DNAH17: variants seen among roughly 807,000 people sequenced by gnomAD.
DNAH17 encodes the protein dynein axonemal heavy chain 17.
Under a neutral mutation model 485.6 loss-of-function variants are expected in DNAH17, and 376 were observed. That is an observed-to-expected ratio of 0.77 (90% CI 0.71 to 0.84). The LOEUF (loss-of-function observed/expected upper bound fraction) is 0.84, where lower values mean the gene tolerates loss of function less well. DNAH17 is among the 40% of genes least tolerant of loss of function. DNAH17 has a pLI of 0.00. For synonymous variants in DNAH17, 3,031 were observed against 2,405.9 expected (o/e 1.26, Z -7.60); for missense variants, 6,370 against 5,839.3 (o/e 1.09, Z -2.96).
chr17:78,439,838 G>A lies in DNAH17; in HGVS notation c.11678-621C>T, dbSNP rs942985832. On this transcript the variant is annotated intron_variant, in intron 72 of 80. Transcript: ENST00000389840. Reference sequence around the variant, plus strand: ...GCGCCCGCCACCACACCTGGCTAATGTTTGTATTTTTAGTAGAGATGGGGT... The same window carrying A: ...GCGCCCGCCACCACACCTGGCTAATATTTGTATTTTTAGTAGAGATGGGGT... Among the ~76,000 whole-genome samples, 7 of 151,442 alleles carry A rather than the reference G, an allele frequency of 4.6e-5. No homozygotes were observed. In the South Asian group the frequency reaches 6.3e-4, roughly 14 times the overall value.
chr17:78,475,620 T>A (rs2088978919), intron 53 of DNAH17, 49 bp downstream of exon 53: 3 of 1,607,390 alleles, frequency 1.9e-6, no homozygotes, highest in African/African-American at 1.3e-5. Context: ...CCGGAGAGGG[T>A]GACCCGGTCC....
chr17:78,562,020 C>T lies in DNAH17; in HGVS notation c.1570-40G>A, dbSNP rs768223010. ...GAAGGGGGCCTCTTCACCACAGTCT[C>T]CTCCCCTTCCCCAGCCTGTGGCTGT... On this transcript the variant is annotated intron_variant, in intron 11 of 80. Coordinates refer to ENST00000389840, the MANE Select transcript of DNAH17 (RefSeq NM_173628.4). 3 of 1,522,284 alleles carry T rather than the reference C, an allele frequency of 2.0e-6. No individual in the cohort carries two copies. The Admixed American group carries it at 6.3e-5, about 32-fold the overall frequency. 94.3% of individuals were successfully genotyped at this position (1,522,284 alleles called of 1,614,324 possible). A position where few individuals can be genotyped will look rare whatever the true frequency, so the allele number is the denominator to read the frequency against.
At chr17:78,477,963 TCACCAC>T (rs1354844375) in intron 51 of DNAH17, among the ~76,000 whole-genome samples, 2 of 125,668 alleles carry the variant, frequency 1.6e-5, no homozygotes, top group East Asian at 2.5e-4. Context: ...ATCTCCACCA[TCACCAC>T]CACCATCATC....
intron 18 of DNAH17, among the ~76,000 whole-genome samples, chr17:78,539,350 T>C (rs1489808542): frequency 6.6e-6 from 1 of 152,222 alleles, no homozygotes; most frequent in East Asian, 1.9e-4. Flanking sequence ...TACCTTCTAC[T>C]CAGCCGTATA....
intron 74 of DNAH17, 51 bp downstream of exon 74, chr17:78,437,590 G>T: frequency 6.8e-7 from 1 of 1,474,472 alleles, no homozygotes. Flanking sequence ...AGGGATGGAT[G>T]CCAGGCCGTG....
chr17:78,461,939 G>C (rs1692061550), intron 57 of DNAH17, among the ~76,000 whole-genome samples: 1 of 152,076 alleles, frequency 6.6e-6, no homozygotes, highest in South Asian at 2.1e-4. Flanking sequence ...GCTCAAAGGA[G>C]TTGGCAAGGT....
intron 54 of DNAH17, among the ~76,000 whole-genome samples, chr17:78,469,113 G>A (rs555881817): frequency 5.9e-5 from 9 of 152,014 alleles, no homozygotes; most frequent in East Asian, 1.9e-4. Flanking sequence ...ACAGGCACAC[G>A]CCGCCATGGG....
chr17:78,474,272 G>A (rs1337547441), intron 54 of DNAH17, among the ~76,000 whole-genome samples: 2 of 152,250 alleles, frequency 1.3e-5, no homozygotes, highest in Non-Finnish European at 2.9e-5. Context: ...CCACAACAGC[G>A]GCCCCAGCAC....
rs2087500723 is a variant in DNAH17, at chr17:78,450,505, C to T, written c.10900-111G>A. 1.5e-5 allele frequency: 22 copies of T among 1,486,018 alleles called. 1 individual carries two copies. The highest frequency in any genetic ancestry group is 2.0e-5 in the Admixed American group (1 of 50,550). 92.1% of individuals were successfully genotyped at this position (1,486,018 alleles called of 1,614,324 possible). On this transcript the variant is annotated intron_variant, in intron 67 of 80. Transcript: ENST00000389840. ...CTCCCTGGGAAGCCACCCAAGGGCT[C>T]TCAGCAGCAGCTGGGTGCAGGATGG... is the stretch of plus-strand genomic sequence containing the variant.
chr17:78,503,368 CT>C (rs1488628892), intron 31 of DNAH17, among the ~76,000 whole-genome samples: 1 of 120,154 alleles, frequency 8.3e-6, no homozygotes, highest in Non-Finnish European at 1.8e-5. Flanking sequence ...TGTATTTTTA[CT>C]AGAGGTGGGG....
rs1254903881 is a variant in DNAH17, at chr17:78,502,715, C to A, written c.5083-17G>T. The A allele has an allele frequency of 1.9e-6, 3 of 1,608,402 alleles. No homozygotes were observed. The Admixed American group carries it at 5.1e-5, about 27-fold the overall frequency. ...CAGGGCCACCTGAAAGTACATACCC[C>A]CCATTGCCCACGCAGTGAGCGATCG... On this transcript the variant is annotated splice_polypyrimidine_tract_variant and intron_variant, in intron 32 of 80. Coordinates refer to ENST00000389840, the MANE Select transcript of DNAH17 (RefSeq NM_173628.4).
chr17:78,438,937 T>A (rs2086961326), intron 73 of DNAH17, 153 bp downstream of exon 73: 1 of 1,185,084 alleles, frequency 8.4e-7, no homozygotes, highest in Admixed American at 3.0e-5. Flanking sequence ...GAGCCGACAC[T>A]GGGGATGCCT....
chr17:78,481,130 T>C (rs1484881017), intron 48 of DNAH17, among the ~76,000 whole-genome samples: 1 of 123,408 alleles, frequency 8.1e-6, no homozygotes, highest in Non-Finnish European at 1.6e-5. Context: ...TGAGATGGAG[T>C]CTCACTCAGT....
intron 52 of DNAH17, 103 bp downstream of exon 52, chr17:78,476,469 C>A (rs537738924): frequency 1.5e-6 from 2 of 1,353,328 alleles, no homozygotes; most frequent in Middle Eastern, 2.2e-4. Flanking sequence ...CCACCCCCAA[C>A]AAAGGGCCCT....
chr17:78,457,060 G>A (rs115326583), intron 62 of DNAH17, among the ~76,000 whole-genome samples: 1,908 of 152,346 alleles, frequency 0.013, 55 homozygotes, highest in African/African-American at 0.044. Context: ...TCTGCTCTGA[G>A]ATGTGCTCTG....
Position 78,492,778 on chromosome 17 carries a change from G to A in DNAH17, c.6409-13C>T, listed in dbSNP as rs773253076. 1.9e-6 allele frequency: 3 copies of A among 1,609,692 alleles called. No individual in the cohort carries two copies. The highest frequency in any genetic ancestry group is 1.1e-5 in the South Asian group (1 of 90,288). ...GGGATTTGAGGACCTGGCGAAGGTG[G>A]GGGTCACTCACGTGTGACTCCATGT... On this transcript the variant is annotated splice_polypyrimidine_tract_variant and intron_variant, in intron 41 of 80. Transcript: ENST00000389840.
chr17:78,530,691 T>G (rs932816915), intron 20 of DNAH17, among the ~76,000 whole-genome samples, 179 bp from the exon 21 acceptor site: 2 of 152,146 alleles, frequency 1.3e-5, no homozygotes, highest in Non-Finnish European at 2.9e-5. Context: ...TTCCAAGTTA[T>G]TGTTCCTTCC....
chr17:78,486,884 G>C (rs2089634493), intron 44 of DNAH17, among the ~76,000 whole-genome samples: 1 of 152,130 alleles, frequency 6.6e-6, no homozygotes, highest in African/African-American at 2.4e-5. Context: ...CGAAGGTGGG[G>C]ACAGTAAGGG....
intron 77 of DNAH17, 79 bp downstream of exon 77, chr17:78,428,446 C>A (rs1178491453): frequency 6.6e-7 from 1 of 1,511,458 alleles, no homozygotes; most frequent in South Asian, 1.2e-5. Flanking sequence ...CCCTGTACTG[C>A]CGCCAGTCCC....
Sources: gnomAD v4.1 joint callset for allele counts (sites outside exome capture counted in the v4.1 genomes callset) on GRCh38, gnomAD v4.1.1 for gene constraint, MANE v1.5 for transcripts, NCBI Gene and HGNC (gene_info 2026-07-23, HGNC 2026-07-21) for gene names.